The following EPHB2 variants were observed in gnomAD, a reference collection of about 807,000 sequenced individuals.
EPHB2 encodes EPH receptor B2.
A neutral mutation model predicts 96.4 loss-of-function variants in EPHB2; 18 were observed. The observed-to-expected ratio is 0.19, with a 90% CI of 0.13 to 0.28. EPHB2 has a LOEUF of 0.28. EPHB2 is among the 10% of genes least tolerant of loss of function. The pLI is 1.00. For missense variants in EPHB2, 989 were observed against 1,355.4 expected, an observed-to-expected ratio of 0.73 and a Z score of 4.25; for synonymous variants, 506 against 534.1, an observed-to-expected ratio of 0.95 and a Z score of 0.72.
At chr1:22,802,358 G>A (rs1027399629) in intron 3 of EPHB2, among the ~76,000 whole-genome samples, 4 of 152,086 alleles carry the variant, frequency 2.6e-5, no homozygotes, top group Non-Finnish European at 4.4e-5. Flanking sequence ...GATTGCAGGG[G>A]TGGGTATTGA....
rs1256944334 is a variant in EPHB2, at chr1:22,875,313, C to A, written c.1304-7046C>A. Among the ~76,000 whole-genome samples the A allele has an allele frequency of 6.6e-6, 1 of 152,190 alleles. No homozygotes were observed. Among genetic ancestry groups the A allele is most frequent in the African/African-American group, 2.4e-5 (1 of 41,452 alleles). On this transcript the variant is annotated intron_variant, in intron 5 of 15. Coordinates refer to ENST00000374630, the MANE Select transcript of EPHB2 (RefSeq NM_017449.5). The surrounding 1 kb of genome is among the most constrained non-coding windows in gnomAD (Gnocchi z 4.2). Reference sequence around the variant, plus strand: ...TGATGAGCTGGGAATTCTAAGAGTCCCGTCCCAAGTAAACTGTCCCTGCTA... The same window carrying A: ...TGATGAGCTGGGAATTCTAAGAGTCACGTCCCAAGTAAACTGTCCCTGCTA...
rs1211928234 is a variant in EPHB2, at chr1:22,917,352, C to T, written c.*3782C>T. 6.6e-6 allele frequency: 1 copy of T among 152,214 alleles called. No individual in the cohort carries two copies. The highest frequency in any genetic ancestry group is 1.5e-5 in the Non-Finnish European group (1 of 68,060). 9.4% of individuals were successfully genotyped at this position (152,214 alleles called of 1,614,324 possible). A position where few individuals can be genotyped will look rare whatever the true frequency, so the allele number is the denominator to read the frequency against. The stretch of plus-strand genomic sequence containing the variant: ...ACCATCACCCACCCCAGGGCTGGGC[C>T]CTGGGCCACTCCTGGCTCACTCCAG... On this transcript the variant is annotated 3_prime_UTR_variant, in exon 16 of 16. Coordinates refer to ENST00000374630, the MANE Select transcript of EPHB2 (RefSeq NM_017449.5).
chr1:22,755,747 T>G (rs964167278), intron 1 of EPHB2, among the ~76,000 whole-genome samples: 2 of 152,244 alleles, frequency 1.3e-5, no homozygotes, highest in African/African-American at 4.8e-5. Context: ...ATATTAAATA[T>G]TCATAAATTA....
At chr1:22,843,871 T>G (rs1645503833) in intron 3 of EPHB2, among the ~76,000 whole-genome samples, 1 of 152,252 alleles carries the variant, frequency 6.6e-6, no homozygotes, top group Admixed American at 6.5e-5. Context: ...CCATGTGTAT[T>G]CAATGTTTAG....
chr1:22,743,927 G>A (rs1643934621), intron 1 of EPHB2, among the ~76,000 whole-genome samples: 1 of 152,192 alleles, frequency 6.6e-6, no homozygotes, highest in African/African-American at 2.4e-5. Flanking sequence ...GGCATCCGGG[G>A]CAGCAGGTAA....
chr1:22,828,767 C>T (rs1372121067), intron 3 of EPHB2, among the ~76,000 whole-genome samples: 1 of 152,192 alleles, frequency 6.6e-6, no homozygotes, highest in Non-Finnish European at 1.5e-5. Flanking sequence ...ATCATTGAAG[C>T]ACTAAGACGA....
chr1:22,800,520 G>A (rs1049463583), intron 3 of EPHB2, among the ~76,000 whole-genome samples: 2 of 152,176 alleles, frequency 1.3e-5, no homozygotes, highest in African/African-American at 2.4e-5. Flanking sequence ...GTGTGTACAC[G>A]CCACTGCTGT....
chr1:22,713,094 G>A (rs371020502), intron 1 of EPHB2, among the ~76,000 whole-genome samples: 8 of 152,260 alleles, frequency 5.3e-5, no homozygotes, highest in African/African-American at 1.9e-4. Flanking sequence ...TCACAGGAGG[G>A]TATGGCTACT....
intron 3 of EPHB2, among the ~76,000 whole-genome samples, chr1:22,818,116 C>T (rs931017186): frequency 1.3e-4 from 20 of 152,076 alleles, no homozygotes; most frequent in African/African-American, 4.6e-4. Context: ...CTGTCGCTTC[C>T]CTTACTACAG....
At chr1:22,866,575 G>GAAAA (rs1311441595) in intron 5 of EPHB2, among the ~76,000 whole-genome samples, 1 of 152,050 alleles carries the variant, frequency 6.6e-6, no homozygotes, top group Non-Finnish European at 1.5e-5. Context: ...GTAGAATGTT[G>GAAAA]AAGGGAACAA....
chr1:22,734,805 GC>G (rs1184055405), intron 1 of EPHB2, among the ~76,000 whole-genome samples: 1 of 152,138 alleles, frequency 6.6e-6, no homozygotes, highest in African/African-American at 2.4e-5. Context: ...GCTATGAACT[GC>G]CCCCTCCTAG....
Position 22,906,196 on chromosome 1 carries a change from GGAT to G in EPHB2, c.1888+89_1888+91del. The G allele has an allele frequency of 8.1e-6, 13 of 1,601,184 alleles. No homozygotes were observed. The highest frequency in any genetic ancestry group is 1.1e-5 in the Non-Finnish European group (13 of 1,173,432). On this transcript the variant is annotated intron_variant, in intron 10 of 15. Coordinates refer to ENST00000374630, the MANE Select transcript of EPHB2 (RefSeq NM_017449.5). The surrounding 1 kb of genome is among the most constrained non-coding windows in gnomAD (Gnocchi z 4.8). ...ATGTATACCCTTGGGGCAGAAGGTA[GGAT>G]GTGGGACAGGCGCCTCAAAGGACCC...
At chr1:22,827,408 G>A (rs148919116) in intron 3 of EPHB2, among the ~76,000 whole-genome samples, 13 of 152,282 alleles carry the variant, frequency 8.5e-5, no homozygotes, top group East Asian at 3.9e-4. Flanking sequence ...GGTGCCCCTC[G>A]TCCCCAGTGT....
intron 3 of EPHB2, among the ~76,000 whole-genome samples, chr1:22,840,092 A>G (rs1018807701): frequency 2.0e-5 from 3 of 151,978 alleles, no homozygotes; most frequent in African/African-American, 4.8e-5. Context: ...TGGATGGATG[A>G]ATGGATGGAT....
intron 3 of EPHB2, among the ~76,000 whole-genome samples, chr1:22,793,653 A>G (rs1465388772): frequency 1.3e-5 from 2 of 152,172 alleles, no homozygotes; most frequent in African/African-American, 2.4e-5. Flanking sequence ...CTGCCCTCGC[A>G]GGCTGAGGGT....
chr1:22,756,546 CCTGGCCGCCTG>C (rs1644153866), intron 1 of EPHB2, among the ~76,000 whole-genome samples: 1 of 152,032 alleles, frequency 6.6e-6, no homozygotes, highest in Non-Finnish European at 1.5e-5. Context: ...GTTGAGCAGG[CCTGGCCGCCTG>C]CAGATTTATG....
intron 4 of EPHB2, among the ~76,000 whole-genome samples, chr1:22,864,301 C>T (rs889699312): frequency 1.3e-5 from 2 of 151,008 alleles, no homozygotes; most frequent in Non-Finnish European, 2.9e-5. Flanking sequence ...CTGCCTCGGC[C>T]TCCCAAAGTG....
At position 22,866,032 on chromosome 1, in the gene EPHB2, T is replaced by TC. The variant is rs200937348; in HGVS notation, c.1303+824dup. ...CCCCACTCCACTTGGGCTCCTAGCC[T>TC]CCCCTCTCTACCAGGACCACTGTCC... is the stretch of plus-strand genomic sequence containing the variant. On this transcript the variant is annotated intron_variant, in intron 5 of 15. Coordinates refer to ENST00000374630, the MANE Select transcript of EPHB2 (RefSeq NM_017449.5). Among the ~76,000 whole-genome samples the TC allele has an allele frequency of 4.4e-3, 666 of 151,892 alleles. 3 individuals carry two copies. The highest frequency in any genetic ancestry group is 9.9e-3 in the Admixed American group (151 of 15,258).
chr1:22,902,283 T>C (rs1639776494), intron 9 of EPHB2, among the ~76,000 whole-genome samples: 2 of 152,334 alleles, frequency 1.3e-5, no homozygotes, highest in African/African-American at 2.4e-5. Flanking sequence ...GTAGGGTTGT[T>C]AGGAGGATTA....
Sources: allele counts gnomAD v4.1 joint callset (sites outside exome capture counted in the v4.1 genomes callset), GRCh38; gene constraint gnomAD v4.1.1; non-coding constraint Gnocchi (gnomAD v3.1); transcripts MANE v1.5; gene names NCBI Gene and HGNC (gene_info 2026-07-23, HGNC 2026-07-21).